MAP4K3: variants seen among roughly 807,000 people sequenced by gnomAD.
MAP4K3 encodes the protein mitogen-activated protein kinase kinase kinase kinase 3.
In MAP4K3, 94 loss-of-function variants were observed where a neutral mutation model predicts 143.5. That is an observed-to-expected ratio of 0.65 (90% CI 0.55 to 0.78). The LOEUF (loss-of-function observed/expected upper bound fraction) is 0.78. Among genes scored for constraint, MAP4K3 ranks in the 30% least tolerant of loss-of-function variants. MAP4K3 has a pLI of 0.00. For missense variants in MAP4K3, 1,077 were observed against 1,068.1 expected (o/e 1.01, Z -0.12); for synonymous variants, 416 against 347.2 (o/e 1.20, Z -2.20).
chr2:39,365,757 A>T (rs986911266), intron 2 of MAP4K3, among the ~76,000 whole-genome samples: 1 of 152,190 alleles, frequency 6.6e-6, no homozygotes, highest in Non-Finnish European at 1.5e-5. Context: ...AGTAATTTTT[A>T]AAATGTCCTA....
rs918754781 is a variant in MAP4K3 at position 39,437,165 on chromosome 2, G to T, written c.-178C>A. 7.6e-6 allele frequency: 3 copies of T among 396,438 alleles called. No homozygotes were observed. The highest frequency in any genetic ancestry group is 4.2e-5 in the East Asian group (1 of 23,664). The allele number at this position is 396,438 out of a possible 1,614,324, so 24.6% of individuals were successfully genotyped here. A position where few individuals can be genotyped will look rare whatever the true frequency, so the allele number is the denominator to read the frequency against. On this transcript the variant is annotated 5_prime_UTR_variant, in exon 1 of 34. Transcript: ENST00000263881. The stretch of plus-strand genomic sequence containing the variant: ...CTCCCCTCACGCCGCTGCGGACGAC[G>T]ACAAGCGGCCAATCGTCCCCGCCCC...
intron 33 of MAP4K3, among the ~76,000 whole-genome samples, chr2:39,251,449 A>G (rs928492682): frequency 6.6e-6 from 1 of 152,086 alleles, no homozygotes; most frequent in African/African-American, 2.4e-5. Flanking sequence ...GTTTGTGTCT[A>G]TTTCCTATAA....
At chr2:39,278,575 T>C (rs1681376370) in intron 23 of MAP4K3, 89 bp from the exon 24 acceptor site, 1 of 703,810 alleles carries the variant, frequency 1.4e-6, no homozygotes, top group Non-Finnish European at 2.4e-6. Context: ...TAAATAAGTA[T>C]TAACATATAA....
At chr2:39,345,921 C>CAAAAAAAAAAA (rs66729858) in intron 3 of MAP4K3, among the ~76,000 whole-genome samples, 1 of 15,850 alleles carries the variant, frequency 6.3e-5, no homozygotes, top group African/African-American at 2.1e-4. Context: ...GACTCTGTCT[C>CAAAAAAAAAAA]AAAAAAAAAA....
chr2:39,413,698 C>G (rs531213177), intron 1 of MAP4K3, among the ~76,000 whole-genome samples: 4 of 151,558 alleles, frequency 2.6e-5, no homozygotes, highest in African/African-American at 9.7e-5. Flanking sequence ...GGTGGGCCCC[C>G]TGTATCACCA....
chr2:39,358,752 A>G (rs1387687077), intron 2 of MAP4K3, among the ~76,000 whole-genome samples: 2 of 152,208 alleles, frequency 1.3e-5, no homozygotes, highest in Non-Finnish European at 2.9e-5. Flanking sequence ...GATTTAAAGA[A>G]CTTTGTTCAA....
chr2:39,300,302 T>C (rs1445584794), intron 15 of MAP4K3, among the ~76,000 whole-genome samples: 3 of 152,238 alleles, frequency 2.0e-5, no homozygotes, highest in African/African-American at 7.2e-5. Context: ...AAATTACGTA[T>C]ATGAACTTGT....
At chr2:39,291,898 T>A (rs1023980244) in intron 18 of MAP4K3, among the ~76,000 whole-genome samples, 1 of 151,970 alleles carries the variant, frequency 6.6e-6, no homozygotes, top group African/African-American at 2.4e-5. Context: ...AAAGAAAAAA[T>A]TGTAATATGA....
intron 1 of MAP4K3, among the ~76,000 whole-genome samples, chr2:39,416,932 T>C (rs1667397794): frequency 6.6e-6 from 1 of 152,184 alleles, no homozygotes; most frequent in African/African-American, 2.4e-5. Flanking sequence ...CCCCTCTATT[T>C]TCATTTGTAA....
At chr2:39,293,653 C>G (rs929189931) in intron 16 of MAP4K3, among the ~76,000 whole-genome samples, 2 of 152,116 alleles carry the variant, frequency 1.3e-5, no homozygotes, top group African/African-American at 4.8e-5. Flanking sequence ...ATACCTGACA[C>G]CTGAAATTAT....
At chr2:39,392,687 G>T (rs1185851171) in intron 1 of MAP4K3, among the ~76,000 whole-genome samples, 2 of 152,196 alleles carry the variant, frequency 1.3e-5, no homozygotes, top group Non-Finnish European at 2.9e-5. Flanking sequence ...TGGCAGGTGG[G>T]GTGATTGGGT....
intron 1 of MAP4K3, among the ~76,000 whole-genome samples, chr2:39,400,222 C>T (rs1414668599): frequency 1.1e-4 from 17 of 152,190 alleles, no homozygotes; most frequent in Admixed American, 1.0e-3. Context: ...ATGTTTTTAA[C>T]TTCTCTGTTT....
chr2:39,345,151 T>C (rs1218068651), intron 3 of MAP4K3, among the ~76,000 whole-genome samples: 1 of 151,896 alleles, frequency 6.6e-6, no homozygotes, highest in Admixed American at 6.6e-5. Context: ...GGGAAGAGGA[T>C]TTCTTGAGGC....
At chr2:39,363,833 ATTTTT>A (rs762867464) in intron 2 of MAP4K3, among the ~76,000 whole-genome samples, 2 of 149,364 alleles carry the variant, frequency 1.3e-5, no homozygotes, top group African/African-American at 4.9e-5. Flanking sequence ...CATACTGGGG[ATTTTT>A]TTTTTAAGAG....
In MAP4K3 at chr2:39,381,583, AT is replaced by A. The variant is rs148521086; in HGVS notation, c.97-3461del. 1.7e-3 allele frequency among the ~76,000 whole-genome samples: 256 copies of A among 151,966 alleles called. 6 individuals are homozygous for A. In the East Asian group the frequency reaches 0.024, roughly 14 times the overall value. On this transcript the variant is annotated intron_variant, in intron 1 of 33. Coordinates refer to ENST00000263881, the MANE Select transcript of MAP4K3 (RefSeq NM_003618.4). ...AGGTCACAAATACTTTTTTCCTATG[AT>A]TTTTTTTTCTAAGATTTCTAAGTTT...
intron 1 of MAP4K3, among the ~76,000 whole-genome samples, chr2:39,387,426 T>TA (rs1286959384): frequency 6.6e-6 from 1 of 152,240 alleles, no homozygotes; most frequent in Non-Finnish European, 1.5e-5. Flanking sequence ...GCTTTGCAGT[T>TA]ATCAGCATAC....
intron 2 of MAP4K3, among the ~76,000 whole-genome samples, chr2:39,364,803 G>A (rs928946900): frequency 2.7e-5 from 4 of 149,840 alleles, no homozygotes; most frequent in Non-Finnish European, 5.9e-5. Flanking sequence ...AGGAGGCAGA[G>A]CTTGCAGTGA....
chr2:39,251,778 G>T, intron 33 of MAP4K3, 52 bp downstream of exon 33: 2 of 1,387,096 alleles, frequency 1.4e-6, no homozygotes, highest in Non-Finnish European at 2.0e-6. Context: ...TTTCATGCTG[G>T]ATCTATAAAA....
At chr2:39,406,127 A>G (rs1243705025) in intron 1 of MAP4K3, among the ~76,000 whole-genome samples, 1 of 152,086 alleles carries the variant, frequency 6.6e-6, no homozygotes, top group Non-Finnish European at 1.5e-5. Context: ...GTCTCTTAAT[A>G]GCAAAACTGA....
Sources: allele counts gnomAD v4.1 joint callset (sites outside exome capture counted in the v4.1 genomes callset), GRCh38; gene constraint gnomAD v4.1.1; transcripts MANE v1.5; gene names NCBI Gene and HGNC (gene_info 2026-07-23, HGNC 2026-07-21).